Variants in OGA observed in about 807,000 individuals in gnomAD.
The protein encoded by OGA is protein O-GlcNAcase.
A neutral mutation model predicts 102.0 loss-of-function variants in OGA; 21 were observed. The observed-to-expected ratio is 0.21, with a 90% CI of 0.15 to 0.30. The LOEUF (loss-of-function observed/expected upper bound fraction) is 0.30, where lower values mean the gene tolerates loss of function less well. Among genes scored for constraint, OGA ranks in the 10% least tolerant of loss-of-function variants. The pLI, the probability that OGA is intolerant of heterozygous loss-of-function variation, is 1.00. For synonymous variants in OGA, 408 were observed against 378.2 expected, an observed-to-expected ratio of 1.08 and a Z score of -0.91; for missense variants, 765 against 1,107.8, an observed-to-expected ratio of 0.69 and a Z score of 4.39.
intron 10 of OGA, among the ~76,000 whole-genome samples, chr10:101,795,329 G>C (rs980501511): frequency 6.6e-6 from 1 of 152,178 alleles, no homozygotes; most frequent in African/African-American, 2.4e-5. Context: ...CTGCGCAAAC[G>C]TGACTTCAGT....
chr10:101,797,730 G>A (rs2065333834), intron 10 of OGA: 3 of 588,564 alleles, frequency 5.1e-6, no homozygotes, highest in Admixed American at 3.2e-5. Context: ...GTTAAAGTCA[G>A]TACTTTCTAA....
At chr10:101,809,044 T>C (rs2065514119) in intron 4 of OGA, among the ~76,000 whole-genome samples, 1 of 152,204 alleles carries the variant, frequency 6.6e-6, no homozygotes, top group African/African-American at 2.4e-5. Flanking sequence ...AAGCAGACTT[T>C]ACACTCAATT....
chr10:101,809,255 C>T (rs1335496207), intron 4 of OGA, among the ~76,000 whole-genome samples: 2 of 152,148 alleles, frequency 1.3e-5, no homozygotes, highest in Non-Finnish European at 2.9e-5. Flanking sequence ...CCTAGATTCC[C>T]GGTCCCCACC....
intron 10 of OGA, chr10:101,797,013 T>C (rs983368014): frequency 6.6e-6 from 1 of 151,676 alleles, no homozygotes; most frequent in African/African-American, 2.4e-5. Flanking sequence ...GCTAATTAGT[T>C]GTATCACAGG....
chr10:101,785,216 A>G lies in OGA; in HGVS notation c.*1235T>C, dbSNP rs1040604212. On this transcript the variant is annotated 3_prime_UTR_variant, in exon 16 of 16. Coordinates refer to ENST00000361464, the MANE Select transcript of OGA (RefSeq NM_012215.5). ...CCGACTATCTGCCAGCTTCATGCTC[A>G]GAACCCTTAAAAACACAGAATCTAA... The G allele has an allele frequency of 1.6e-4, 25 of 152,270 alleles. No individual in the cohort carries two copies. The highest frequency in any genetic ancestry group is 5.8e-4 in the African/African-American group (24 of 41,464). 9.4% of individuals were successfully genotyped at this position (152,270 alleles called of 1,614,324 possible).
At chr10:101,798,710 G>A (rs910397749) in intron 9 of OGA, 132 bp downstream of exon 9, 15 of 1,172,124 alleles carry the variant, frequency 1.3e-5, no homozygotes, top group Middle Eastern at 5.6e-4. Context: ...CATCATAACC[G>A]GCCTAAAGAA....
chr10:101,800,219 T>C (rs763897610), intron 8 of OGA, 23 bp downstream of exon 8: 3 of 1,608,292 alleles, frequency 1.9e-6, no homozygotes, highest in Non-Finnish European at 1.7e-6. Flanking sequence ...CTAACCCCCT[T>C]AACAAAGAAT....
chr10:101,799,394 T>C lies in OGA; in HGVS notation c.1257A>G (p.Ala419=). ...ASVVDGTPLV[A]APSLNATTVV... ...CGGTTGTGGCATTTAAAGAGGGTGCTGCAACTAAAGGAGTCCCATCAACTA... is the reference window on the plus strand; with the variant it reads ...CGGTTGTGGCATTTAAAGAGGGTGCCGCAACTAAAGGAGTCCCATCAACTA... Residue 419 remains alanine (A), a synonymous_variant, in exon 9 of 16, where the codon GCA becomes GCG. Coordinates refer to ENST00000361464, the MANE Select transcript of OGA (RefSeq NM_012215.5). 6.2e-7 allele frequency: 1 copy of C among 1,614,152 alleles called. No homozygotes were observed. The highest frequency in any genetic ancestry group is 8.5e-7 in the Non-Finnish European group (1 of 1,179,998).
chr10:101,814,297 C>T (rs2065594505), intron 1 of OGA, among the ~76,000 whole-genome samples: 1 of 152,146 alleles, frequency 6.6e-6, no homozygotes, highest in Non-Finnish European at 1.5e-5. Context: ...CACTGCACTA[C>T]AGCCTGGGCT....
chr10:101,791,562 A>G, intron 12 of OGA, 123 bp from the exon 13 acceptor site: 9 of 670,388 alleles, frequency 1.3e-5, no homozygotes, highest in South Asian at 1.2e-4. Context: ...TCTATCAGAA[A>G]TATCACCTCT....
rs771160479 is a variant in OGA, at chr10:101,813,650, T to C, written c.200-44A>G. ...TGAAATTATATTCAGTTTTAAAATG[T>C]GGTAAGCTTTATTGAGAAAAGCAAG... On this transcript the variant is annotated intron_variant, in intron 1 of 15. Coordinates refer to ENST00000361464, the MANE Select transcript of OGA (RefSeq NM_012215.5). 4 of 1,273,518 alleles carry C rather than the reference T, an allele frequency of 3.1e-6. No homozygotes were observed. In the African/African-American group the frequency reaches 6.0e-5, roughly 19 times the overall value. The allele number at this position is 1,273,518 out of a possible 1,614,324, so 78.9% of individuals were successfully genotyped here. A position where few individuals can be genotyped will look rare whatever the true frequency, so the allele number is the denominator to read the frequency against.
At chr10:101,788,730 G>A (rs1309256517) in intron 14 of OGA, among the ~76,000 whole-genome samples, 5 of 147,458 alleles carry the variant, frequency 3.4e-5, no homozygotes, top group East Asian at 2.0e-4. Flanking sequence ...GGGAAACTCC[G>A]TCTCAAAAAA....
Position 101,818,234 on chromosome 10 carries a change from C to T in OGA, c.-212G>A, listed in dbSNP as rs983397160. On this transcript the variant is annotated 5_prime_UTR_variant, in exon 1 of 16. Coordinates refer to ENST00000361464, the MANE Select transcript of OGA (RefSeq NM_012215.5). ...GCACCGGCGCGAGCCCTTTGTCAGCCGCAGCCTCGGCTTTAAGCTGGGGCG... is the reference window on the plus strand; with the variant it reads ...GCACCGGCGCGAGCCCTTTGTCAGCTGCAGCCTCGGCTTTAAGCTGGGGCG... 1.2e-4 allele frequency: 154 copies of T among 1,336,476 alleles called. No individual in the cohort carries two copies. The highest frequency in any genetic ancestry group is 1.4e-4 in the Non-Finnish European group (148 of 1,047,060). 82.8% of individuals were successfully genotyped at this position (1,336,476 alleles called of 1,614,324 possible). A position where few individuals can be genotyped will look rare whatever the true frequency, so the allele number is the denominator to read the frequency against.
chr10:101,799,656 T>C (rs990155817), intron 8 of OGA, among the ~76,000 whole-genome samples: 5 of 152,116 alleles, frequency 3.3e-5, no homozygotes, highest in Non-Finnish European at 7.4e-5. Context: ...CGTTGGGAGG[T>C]AAACATGCCA....
At chr10:101,801,414 A>C (rs1334669564) in intron 7 of OGA, among the ~76,000 whole-genome samples, 1 of 151,660 alleles carries the variant, frequency 6.6e-6, no homozygotes, top group Admixed American at 6.6e-5. Flanking sequence ...AAAAAAAGAG[A>C]TAATCGACAG....
At chr10:101,816,812 GA>G (rs11397528) in intron 1 of OGA, among the ~76,000 whole-genome samples, 39 of 151,548 alleles carry the variant, frequency 2.6e-4, no homozygotes, top group Non-Finnish European at 4.9e-4. Flanking sequence ...TTTATATGGT[GA>G]AAAAAAACAG....
At position 101,806,149 on chromosome 10, in the gene OGA, T is replaced by G. The variant is rs763880091; in HGVS notation, c.653-6A>C. On this transcript the variant is annotated splice_polypyrimidine_tract_variant and splice_region_variant and intron_variant, in intron 5 of 15. Coordinates refer to ENST00000361464, the MANE Select transcript of OGA (RefSeq NM_012215.5). ...ACAGAAAGTGCCACAGTATTCTAAA[T>G]GTAGGGAGAAAAGTAAAAAAGTCAG... is the stretch of plus-strand genomic sequence containing the variant. The G allele has an allele frequency of 3.9e-6, 6 of 1,544,040 alleles. No individual in the cohort carries two copies. The highest frequency in any genetic ancestry group is 3.6e-6 in the Non-Finnish European group (4 of 1,117,376).
chr10:101,816,056 G>A (rs1349515312), intron 1 of OGA, among the ~76,000 whole-genome samples: 1 of 144,720 alleles, frequency 6.9e-6, no homozygotes, highest in African/African-American at 2.6e-5. Context: ...CGGACTGCCT[G>A]AGCTCCGTAG....
chr10:101,807,660 G>T (rs918439833), intron 5 of OGA, 70 bp downstream of exon 5: 4 of 1,079,586 alleles, frequency 3.7e-6, no homozygotes, highest in Non-Finnish European at 5.0e-6. Flanking sequence ...GAGAGAATGG[G>T]GCCCATGGTC....
Sources: allele counts gnomAD v4.1 joint callset (sites outside exome capture counted in the v4.1 genomes callset), GRCh38; gene constraint gnomAD v4.1.1; transcripts MANE v1.5; gene names NCBI Gene and HGNC (gene_info 2026-07-23, HGNC 2026-07-21).